Variants in KCNMB2 observed in about 807,000 individuals in gnomAD.
KCNMB2 encodes calcium-activated potassium channel subunit beta-2.
In KCNMB2, 9 loss-of-function variants were observed where a neutral mutation model predicts 24.5. The observed-to-expected ratio is 0.37, with a 90% CI of 0.22 to 0.64. The LOEUF (loss-of-function observed/expected upper bound fraction) is 0.64. Ranked by LOEUF, KCNMB2 falls within the 30% of genes least tolerant of loss-of-function variation. The pLI, the probability that KCNMB2 is intolerant of heterozygous loss-of-function variation, is 0.63. For synonymous variants in KCNMB2, 109 were observed against 104.4 expected (o/e 1.04, Z -0.27); for missense variants, 226 against 284.3 (o/e 0.79, Z 1.47).
At chr3:178,718,288 C>T (rs552515134) in intron 1 of KCNMB2, among the ~76,000 whole-genome samples, 5 of 152,314 alleles carry the variant, frequency 3.3e-5, no homozygotes, top group African/African-American at 2.4e-5. Context: ...GCAGGTGTTA[C>T]GTTCCATTGC....
chr3:178,633,264 G>T (rs886076855), intron 1 of KCNMB2, among the ~76,000 whole-genome samples: 1 of 152,166 alleles, frequency 6.6e-6, no homozygotes, highest in African/African-American at 2.4e-5. Context: ...TGCCTCAATG[G>T]GGACTCTGTG....
chr3:178,699,245 C>T (rs1435897789), intron 1 of KCNMB2, among the ~76,000 whole-genome samples: 1 of 152,224 alleles, frequency 6.6e-6, no homozygotes, highest in Non-Finnish European at 1.5e-5. Flanking sequence ...GTTGTCTGCA[C>T]AGTGTTAGTG....
intron 1 of KCNMB2, among the ~76,000 whole-genome samples, chr3:178,734,834 C>T (rs758466381): frequency 1.3e-5 from 2 of 152,168 alleles, no homozygotes; most frequent in Non-Finnish European, 2.9e-5. Context: ...CCACTTTTGT[C>T]TCATTTTTAA....
intron 1 of KCNMB2, among the ~76,000 whole-genome samples, chr3:178,677,140 G>A (rs1449869665): frequency 1.3e-5 from 2 of 152,160 alleles, no homozygotes; most frequent in East Asian, 3.9e-4. Flanking sequence ...CTTTGCCTCA[G>A]TTAATATAAG....
chr3:178,603,560 C>A (rs74503527), intron 1 of KCNMB2, among the ~76,000 whole-genome samples: 1 of 152,092 alleles, frequency 6.6e-6, no homozygotes, highest in Non-Finnish European at 1.5e-5. Context: ...AAGAAATGAA[C>A]AGAATAGAAG....
intron 1 of KCNMB2, among the ~76,000 whole-genome samples, chr3:178,703,114 G>C (rs1445962928): frequency 6.6e-6 from 1 of 152,170 alleles, no homozygotes; most frequent in Non-Finnish European, 1.5e-5. Flanking sequence ...AAGGGAAAGA[G>C]AATCAGTAAA....
chr3:178,718,058 T>C (rs1424092728), intron 1 of KCNMB2, among the ~76,000 whole-genome samples: 1 of 152,206 alleles, frequency 6.6e-6, no homozygotes, highest in African/African-American at 2.4e-5. Flanking sequence ...TAAATAGAGT[T>C]TACTTTCATG....
chr3:178,557,261 A>T (rs949715221), intron 1 of KCNMB2, among the ~76,000 whole-genome samples: 5 of 152,170 alleles, frequency 3.3e-5, no homozygotes, highest in Non-Finnish European at 4.4e-5. Context: ...AGAACTGGAC[A>T]TTGGATTAAG....
chr3:178,600,069 G>A (rs1718024360), intron 1 of KCNMB2, among the ~76,000 whole-genome samples: 1 of 152,046 alleles, frequency 6.6e-6, no homozygotes, highest in Non-Finnish European at 1.5e-5. Context: ...GTAGAGAAGG[G>A]GTTTCATCAT....
chr3:178,623,806 T>C (rs1171461024), intron 1 of KCNMB2, among the ~76,000 whole-genome samples: 1 of 152,214 alleles, frequency 6.6e-6, no homozygotes, highest in Non-Finnish European at 1.5e-5. Context: ...ATTCAAGGCC[T>C]CAATTTAAAA....
At chr3:178,778,403 C>A (rs1260681763) in intron 1 of KCNMB2, among the ~76,000 whole-genome samples, 1 of 150,072 alleles carries the variant, frequency 6.7e-6, no homozygotes, top group African/African-American at 2.4e-5. Context: ...AGCTGAGAGT[C>A]AGTCATGTGA....
At position 178,624,244 on chromosome 3, in the gene KCNMB2, A is replaced by ATT. The variant is rs35333167; in HGVS notation, c.-68+87551_-68+87552dup. On this transcript the variant is annotated intron_variant, in intron 1 of 4. Coordinates refer to ENST00000452583, the MANE Select transcript of KCNMB2 (RefSeq NM_181361.3). ...CAAACAAAAAATTTGTTACTGGGTA[A>ATT]TTTTTTTTTTTTTTTTTTTGCCTTT... Among the ~76,000 whole-genome samples, 436 of 144,252 alleles carry ATT rather than the reference A, an allele frequency of 3.0e-3. 2 individuals carry two copies. Among genetic ancestry groups the ATT allele is most frequent in the Non-Finnish European group, 4.7e-3 (312 of 65,706 alleles). The allele number at this position is 144,252 out of a possible 152,430, so 94.6% of individuals were successfully genotyped here.
rs1715523631 is a variant in KCNMB2 at position 178,844,084 on chromosome 3, T to G, written c.*1147T>G. 6.6e-6 allele frequency: 1 copy of G among 152,550 alleles called. No homozygotes were observed. Among genetic ancestry groups the G allele is most frequent in the Non-Finnish European group, 1.5e-5 (1 of 67,994 alleles). 9.4% of individuals were successfully genotyped at this position (152,550 alleles called of 1,614,324 possible). A position where few individuals can be genotyped will look rare whatever the true frequency, so the allele number is the denominator to read the frequency against. On this transcript the variant is annotated 3_prime_UTR_variant, in exon 5 of 5. Coordinates refer to ENST00000452583, the MANE Select transcript of KCNMB2 (RefSeq NM_181361.3). ...CTGAATAACAGACTTAAAGAAAGCC[T>G]TTGTTCACATTGCTATTTACTTTTG...
intron 1 of KCNMB2, among the ~76,000 whole-genome samples, chr3:178,688,102 C>A (rs2108326268): frequency 6.6e-6 from 1 of 152,278 alleles, no homozygotes; most frequent in South Asian, 2.1e-4. Flanking sequence ...CTGCTGACAA[C>A]CCTCCCTTTT....
chr3:178,762,244 G>A, intron 1 of KCNMB2, among the ~76,000 whole-genome samples: 1 of 152,296 alleles, frequency 6.6e-6, no homozygotes, highest in South Asian at 2.1e-4. Context: ...CTTAGAAAGT[G>A]TGGCCACACA....
intron 1 of KCNMB2, among the ~76,000 whole-genome samples, chr3:178,555,402 T>A (rs1163318995): frequency 6.6e-6 from 1 of 152,202 alleles, no homozygotes; most frequent in African/African-American, 2.4e-5. Context: ...ACTAGCTGTG[T>A]CATCTTGGGC....
intron 4 of KCNMB2, among the ~76,000 whole-genome samples, chr3:178,838,651 CA>C (rs780339746): frequency 3.9e-4 from 59 of 151,338 alleles, no homozygotes; most frequent in Non-Finnish European, 7.4e-4. Context: ...TTTCATTAGC[CA>C]AAACTCTTTG....
intron 1 of KCNMB2, among the ~76,000 whole-genome samples, chr3:178,777,011 TA>T (rs34378271): frequency 0.11 from 16,854 of 152,208 alleles, 1,020 homozygotes; most frequent in Non-Finnish European, 0.13. Flanking sequence ...TAAATGTTAA[TA>T]TTGTAATGCC....
chr3:178,545,216 C>T (rs1227560747), intron 1 of KCNMB2, among the ~76,000 whole-genome samples: 1 of 152,146 alleles, frequency 6.6e-6, no homozygotes, highest in Non-Finnish European at 1.5e-5. Context: ...AAATCATTTA[C>T]AAAATTAGTC....
Sources: allele counts gnomAD v4.1 joint callset (sites outside exome capture counted in the v4.1 genomes callset), GRCh38; gene constraint gnomAD v4.1.1; transcripts MANE v1.5; gene names NCBI Gene and HGNC (gene_info 2026-07-23, HGNC 2026-07-21).